CAMTA1: variants seen among roughly 807,000 people sequenced by gnomAD.
CAMTA1 encodes the protein calmodulin binding transcription activator 1, also known as calmodulin-binding transcription activator 1.
Under a neutral mutation model 170.9 loss-of-function variants are expected in CAMTA1, and 27 were observed. The observed-to-expected ratio is 0.16, with a 90% CI of 0.12 to 0.22. CAMTA1 has a LOEUF of 0.22. Among genes scored for constraint, CAMTA1 ranks in the 10% least tolerant of loss-of-function variants. CAMTA1 has a pLI of 1.00. For synonymous variants in CAMTA1, 833 were observed against 891.5 expected (o/e 0.93, Z 1.17); for missense variants, 1,619 against 2,217.2 (o/e 0.73, Z 5.42).
chr1:7,736,630 C>T lies in CAMTA1; in HGVS notation c.3263+90C>T. 7.9e-7 allele frequency: 1 copy of T among 1,268,216 alleles called. No individual in the cohort carries two copies. The highest frequency in any genetic ancestry group is 1.1e-6 in the Non-Finnish European group (1 of 879,272). 78.6% of individuals were successfully genotyped at this position (1,268,216 alleles called of 1,614,324 possible). A position where few individuals can be genotyped will look rare whatever the true frequency, so the allele number is the denominator to read the frequency against. On this transcript the variant is annotated intron_variant, in intron 13 of 22. Coordinates refer to ENST00000303635, the MANE Select transcript of CAMTA1 (RefSeq NM_015215.4). The surrounding 1 kb of genome is among the most constrained non-coding windows in gnomAD (Gnocchi z 4.5). Reference sequence around the variant, plus strand: ...CACTGCCACCCGTGGAAGAAATCTACCCATTCAGTCCACTTTATAGCCGGC... The same window carrying T: ...CACTGCCACCCGTGGAAGAAATCTATCCATTCAGTCCACTTTATAGCCGGC...
intron 5 of CAMTA1, among the ~76,000 whole-genome samples, chr1:7,360,836 G>A (rs768259620): frequency 2.0e-4 from 31 of 152,224 alleles, no homozygotes; most frequent in Non-Finnish European, 3.4e-4. Context: ...CCACGCCGGA[G>A]TTGCCTGCAC....
intron 3 of CAMTA1, among the ~76,000 whole-genome samples, chr1:6,917,333 G>A (rs56358633): frequency 0.011 from 1,690 of 152,228 alleles, 33 homozygotes; most frequent in African/African-American, 0.038. Flanking sequence ...TAAATGAAGT[G>A]CCGTGGAGGG....
At chr1:6,878,551 T>C (rs1357816922) in intron 3 of CAMTA1, among the ~76,000 whole-genome samples, 1 of 152,246 alleles carries the variant, frequency 6.6e-6, no homozygotes, top group Non-Finnish European at 1.5e-5. Context: ...CTCAGCCATG[T>C]CACAGTGACC....
chr1:7,220,166 C>T (rs962514012), intron 4 of CAMTA1, among the ~76,000 whole-genome samples: 1 of 152,224 alleles, frequency 6.6e-6, no homozygotes, highest in African/African-American at 2.4e-5. Flanking sequence ...AGATTCAGCG[C>T]TGCGTGGCTT....
chr1:7,161,342 G>A lies in CAMTA1; in HGVS notation c.302+69971G>A, dbSNP rs116181214. ...CTCTAGTGCTCAGCTTCACAGTCAC[G>A]CCACCCAGGAAGCCTTCTGTGATCT... On this transcript the variant is annotated intron_variant, in intron 4 of 22. Transcript: ENST00000303635. 4.6e-3 allele frequency among the ~76,000 whole-genome samples: 707 copies of A among 152,160 alleles called. 5 individuals carry two copies. Among genetic ancestry groups the A allele is most frequent in the African/African-American group, 0.016 (654 of 41,500 alleles).
At position 7,322,015 on chromosome 1, in the gene CAMTA1, CTAG is replaced by C. The variant is rs1388061507; in HGVS notation, c.438+72393_438+72395del. 2.6e-5 allele frequency among the ~76,000 whole-genome samples: 4 copies of C among 152,236 alleles called. No homozygotes were observed. The East Asian group carries it at 7.7e-4, about 29-fold the overall frequency. ...TTTCTAGAGCAGGGGTTTGCTAGCT[CTAG>C]TAGGGGAGGGGTGGATGCTTCTGCA... On this transcript the variant is annotated intron_variant, in intron 5 of 22. Transcript: ENST00000303635.
intron 6 of CAMTA1, among the ~76,000 whole-genome samples, chr1:7,472,967 C>G (rs185042912): frequency 6.6e-6 from 1 of 152,174 alleles, no homozygotes. Flanking sequence ...TCACCACCCC[C>G]CAGGAGAGGA....
intron 3 of CAMTA1, among the ~76,000 whole-genome samples, chr1:7,057,257 C>T (rs1031224920): frequency 6.6e-6 from 1 of 152,200 alleles, no homozygotes; most frequent in East Asian, 1.9e-4. Context: ...GACACATGTG[C>T]GCGGCGAGCT....
intron 6 of CAMTA1, among the ~76,000 whole-genome samples, chr1:7,520,076 T>TG (rs1323985171): frequency 2.0e-5 from 3 of 149,220 alleles, no homozygotes; most frequent in Admixed American, 2.0e-4. Flanking sequence ...GCTCTCTTTG[T>TG]GGACTCCCCA....
chr1:7,027,355 G>A (rs1702160607), intron 3 of CAMTA1, among the ~76,000 whole-genome samples: 2 of 152,124 alleles, frequency 1.3e-5, no homozygotes, highest in Non-Finnish European at 2.9e-5. Flanking sequence ...TGCAATTAAG[G>A]TCGAAGCCTG....
chr1:7,712,777 G>A (rs931061307), intron 11 of CAMTA1, among the ~76,000 whole-genome samples: 8 of 152,174 alleles, frequency 5.3e-5, no homozygotes, highest in Non-Finnish European at 1.2e-4. Flanking sequence ...GAGGTTTAAT[G>A]GACTCAGTTC....
At chr1:7,447,170 G>A (rs2092700921) in intron 5 of CAMTA1, among the ~76,000 whole-genome samples, 1 of 152,098 alleles carries the variant, frequency 6.6e-6, no homozygotes, top group Non-Finnish European at 1.5e-5. Context: ...GAGCCATACT[G>A]CCCCTGGCTG....
chr1:7,294,105 T>C (rs534945742), intron 5 of CAMTA1, among the ~76,000 whole-genome samples: 18 of 152,190 alleles, frequency 1.2e-4, no homozygotes, highest in African/African-American at 4.1e-4. Flanking sequence ...CAGAACAAGC[T>C]CACCCTCCAT....
chr1:7,151,192 G>C (rs1003829475), intron 4 of CAMTA1, among the ~76,000 whole-genome samples: 1 of 152,194 alleles, frequency 6.6e-6, no homozygotes, highest in African/African-American at 2.4e-5. Context: ...GCTGGCGTTC[G>C]CGCCTGGCTC....
At chr1:7,367,833 ACTGGGCACAGGCC>A (rs1473513319) in intron 5 of CAMTA1, among the ~76,000 whole-genome samples, 1 of 151,862 alleles carries the variant, frequency 6.6e-6, no homozygotes, top group Non-Finnish European at 1.5e-5. Context: ...TCATGGTTTC[ACTGGGCACAGGCC>A]CTGGGCACTC....
rs566845123 is a variant in CAMTA1, at chr1:7,063,764, C to T, written c.235-27540C>T. Among the ~76,000 whole-genome samples, 8 of 152,294 alleles carry T rather than the reference C, an allele frequency of 5.3e-5. No homozygotes were observed. The South Asian group carries it at 1.5e-3, about 28-fold the overall frequency. ...CACACTTTTTCAGGCACTGGTTGTG[C>T]GATTAGCATCCTGCCAGGGATGCTG... is the stretch of plus-strand genomic sequence containing the variant. On this transcript the variant is annotated intron_variant, in intron 3 of 22. Coordinates refer to ENST00000303635, the MANE Select transcript of CAMTA1 (RefSeq NM_015215.4). The surrounding 1 kb of genome is among the most constrained non-coding windows in gnomAD (Gnocchi z 4.3).
chr1:7,704,030 G>A (rs181855669), intron 11 of CAMTA1, among the ~76,000 whole-genome samples: 2,044 of 150,554 alleles, frequency 0.014, 18 homozygotes, highest in South Asian at 0.037. Context: ...CACCGTCCCC[G>A]CCCACCGTCC....
intron 6 of CAMTA1, among the ~76,000 whole-genome samples, chr1:7,576,451 GC>G (rs2095194448): frequency 6.6e-6 from 1 of 152,122 alleles, no homozygotes; most frequent in African/African-American, 2.4e-5. Context: ...TACAATTAGT[GC>G]CCTTATAAAA....
chr1:7,612,928 TC>T (rs2095533445), intron 6 of CAMTA1, among the ~76,000 whole-genome samples: 1 of 152,174 alleles, frequency 6.6e-6, no homozygotes, highest in Admixed American at 6.5e-5. Flanking sequence ...GAGGGCCTGC[TC>T]CCCAGGAGTC....
Sources: gnomAD v4.1 joint callset for allele counts (sites outside exome capture counted in the v4.1 genomes callset) on GRCh38, gnomAD v4.1.1 for gene constraint, Gnocchi (gnomAD v3.1) non-coding constraint, MANE v1.5 for transcripts, NCBI Gene and HGNC (gene_info 2026-07-23, HGNC 2026-07-21) for gene names.